The following BAZ1A variants were observed in gnomAD, a reference collection of about 807,000 sequenced individuals.
BAZ1A encodes the protein bromodomain adjacent to zinc finger domain protein 1A.
A neutral mutation model predicts 185.2 loss-of-function variants in BAZ1A; 50 were observed. The ratio of observed to expected loss-of-function variants is 0.27; its 90% CI spans 0.22 to 0.34. The LOEUF (loss-of-function observed/expected upper bound fraction) is 0.34, where lower values mean the gene tolerates loss of function less well. Ranked by LOEUF, BAZ1A falls within the 10% of genes least tolerant of loss-of-function variation. The probability of loss-of-function intolerance (pLI) is 1.00; values close to 1 mark genes in which losing one functional copy is unlikely to be tolerated. For missense variants in BAZ1A, 1,356 were observed against 1,839.9 expected (o/e 0.74, Z 4.81); for synonymous variants, 571 against 615.6 (o/e 0.93, Z 1.07).
intron 5 of BAZ1A, 101 bp from the exon 6 acceptor site, chr14:34,807,639 C>T: frequency 1.3e-6 from 1 of 751,918 alleles, no homozygotes; most frequent in Non-Finnish European, 2.1e-6. Flanking sequence ...TTTCAGAAAG[C>T]CTAGGAATCA....
chr14:34,803,698 G>A (rs897762994), intron 6 of BAZ1A, among the ~76,000 whole-genome samples: 7 of 152,066 alleles, frequency 4.6e-5, no homozygotes, highest in Admixed American at 6.6e-5. Context: ...AAAATCTACT[G>A]TATTAACCTG....
At chr14:34,855,964 G>T (rs2042669975) in intron 3 of BAZ1A, among the ~76,000 whole-genome samples, 1 of 151,904 alleles carries the variant, frequency 6.6e-6, no homozygotes, top group African/African-American at 2.4e-5. Flanking sequence ...TTAAGAAAAA[G>T]AACAAAAAAT....
intron 3 of BAZ1A, among the ~76,000 whole-genome samples, chr14:34,839,539 CAAAA>C (rs35964410): frequency 2.5e-5 from 2 of 80,978 alleles, no homozygotes; most frequent in East Asian, 4.9e-4. Flanking sequence ...AACTATCTTT[CAAAA>C]AAAAAAAAAA....
chr14:34,832,629 G>T (rs1282820102), intron 3 of BAZ1A, among the ~76,000 whole-genome samples: 3 of 152,052 alleles, frequency 2.0e-5, no homozygotes, highest in Non-Finnish European at 4.4e-5. Flanking sequence ...CACTAAGATG[G>T]TTATATATTT....
intron 3 of BAZ1A, among the ~76,000 whole-genome samples, chr14:34,857,587 G>A (rs1375474144): frequency 1.3e-5 from 2 of 152,014 alleles, no homozygotes; most frequent in African/African-American, 2.4e-5. Flanking sequence ...TGAATAAATC[G>A]TGTTAGTTCT....
At chr14:34,792,749 A>T (rs774623020) in intron 12 of BAZ1A, 26 bp downstream of exon 12, 1 of 1,608,168 alleles carries the variant, frequency 6.2e-7, no homozygotes, top group Non-Finnish European at 8.5e-7. Flanking sequence ...ACTATGGTTC[A>T]ATCAGCAATA....
In BAZ1A at chr14:34,776,004, A is replaced by T. The variant is rs1566554369; in HGVS notation, c.2748T>A (p.Ser916Arg). The change falls in exon 18 of 27, where the codon AGT becomes AGA. Residue 916 changes from serine to arginine, a missense_variant. Physicochemically the swap from Ser to Arg is moderately radical, Grantham distance 110. Coordinates refer to ENST00000360310, the MANE Select transcript of BAZ1A (RefSeq NM_013448.3). Reference sequence around the variant, plus strand: ...CTTGTAACAAAGTTTCTTTTAAGGCACTTTCTCTATGTCCTCTAGAATTAA... The same window carrying T: ...CTTGTAACAAAGTTTCTTTTAAGGCTCTTTCTCTATGTCCTCTAGAATTAA... ...EALNSRGHRE[S>R]ALKETLLQEK... 1 of 1,614,138 alleles carries T rather than the reference A, an allele frequency of 6.2e-7. No homozygotes were observed. The highest frequency in any genetic ancestry group is 8.5e-7 in the Non-Finnish European group (1 of 1,179,960).
At chr14:34,872,626 T>C (rs148550503) in intron 2 of BAZ1A, among the ~76,000 whole-genome samples, 3,078 of 152,210 alleles carry the variant, frequency 0.02, 49 homozygotes, top group South Asian at 0.055. Context: ...ATAAAAATAA[T>C]GGAAGACAGA....
At chr14:34,756,604 T>A (rs1431339237) in intron 25 of BAZ1A, among the ~76,000 whole-genome samples, 3 of 151,528 alleles carry the variant, frequency 2.0e-5, no homozygotes, top group Non-Finnish European at 4.4e-5. Context: ...TAGCTGGGAT[T>A]ACAGGCATGC....
intron 17 of BAZ1A, among the ~76,000 whole-genome samples, chr14:34,779,320 G>A (rs1243113048): frequency 2.0e-5 from 3 of 152,066 alleles, no homozygotes; most frequent in Non-Finnish European, 4.4e-5. Context: ...AAGTAGAGGG[G>A]CTGTATTTAA....
rs35547202 is a variant in BAZ1A, at chr14:34,755,394, G to T, written c.4387-480C>A. ...AAACCTTTACCTCACACTGGTGAGTGAGACCCTTTATAATACAGTTGTGTG... is the reference window on the plus strand; with the variant it reads ...AAACCTTTACCTCACACTGGTGAGTTAGACCCTTTATAATACAGTTGTGTG... On this transcript the variant is annotated intron_variant, in intron 25 of 26. Transcript: ENST00000360310. Among the ~76,000 whole-genome samples the T allele has an allele frequency of 9.7e-3, 1,480 of 152,190 alleles. 18 individuals carry two copies. The highest frequency in any genetic ancestry group is 0.012 in the Non-Finnish European group (824 of 68,004).
intron 3 of BAZ1A, among the ~76,000 whole-genome samples, chr14:34,859,428 CAAA>C (rs33993387): frequency 9.6e-4 from 125 of 130,866 alleles, no homozygotes; most frequent in Non-Finnish European, 7.3e-4. Flanking sequence ...CAGACCCTGT[CAAA>C]AAAAAAAAAA....
At chr14:34,754,762 A>G in intron 26 of BAZ1A, 65 bp downstream of exon 26, 1 of 1,138,868 alleles carries the variant, frequency 8.8e-7, no homozygotes, top group South Asian at 1.5e-5. Flanking sequence ...AAAAATAAAT[A>G]TCAAAGATGC....
At chr14:34,757,365 CAA>C (rs760606242) in intron 25 of BAZ1A, among the ~76,000 whole-genome samples, 36,125 of 108,608 alleles carry the variant, frequency 0.33, 5,147 homozygotes, top group Non-Finnish European at 0.4. Flanking sequence ...GACTCCATCT[CAA>C]AAAAAAAAAA....
At chr14:34,769,950 A>C (rs1469206522) in intron 21 of BAZ1A, among the ~76,000 whole-genome samples, 2 of 152,110 alleles carry the variant, frequency 1.3e-5, no homozygotes, top group African/African-American at 4.8e-5. Context: ...TACATATTTT[A>C]TTTCTTACAA....
chr14:34,791,148 A>AAAGAAAAGAGAAGAGAAAAGAG (rs1555339948), intron 12 of BAZ1A, among the ~76,000 whole-genome samples: 1 of 151,434 alleles, frequency 6.6e-6, no homozygotes, highest in African/African-American at 2.4e-5. Flanking sequence ...AGAGAAGAGA[A>AAAGAAAAGAGAAGAGAAAAGAG]AAGAGAAGAG....
At chr14:34,814,042 CAAA>C (rs34049193) in intron 4 of BAZ1A, among the ~76,000 whole-genome samples, 3 of 118,514 alleles carry the variant, frequency 2.5e-5, no homozygotes, top group Non-Finnish European at 3.4e-5. Flanking sequence ...GAGTCTGTAT[CAAA>C]AAAAAAAAAA....
chr14:34,833,981 C>T (rs1195175811), intron 3 of BAZ1A, among the ~76,000 whole-genome samples: 1 of 152,164 alleles, frequency 6.6e-6, no homozygotes, highest in Non-Finnish European at 1.5e-5. Context: ...GTCTAAAGAA[C>T]TGCAGGCTGA....
chr14:34,832,226 A>ATATATATATATATATATATC, intron 3 of BAZ1A, among the ~76,000 whole-genome samples: 1 of 144,248 alleles, frequency 6.9e-6, no homozygotes, highest in African/African-American at 2.5e-5. Flanking sequence ...ATATATATAT[A>ATATATATATATATATATATC]TATATGTATG....
Sources: gnomAD v4.1 joint callset for allele counts (sites outside exome capture counted in the v4.1 genomes callset) on GRCh38, gnomAD v4.1.1 for gene constraint, MANE v1.5 for transcripts, NCBI Gene and HGNC (gene_info 2026-07-23, HGNC 2026-07-21) for gene names.